The following CLIC6 variants were observed in gnomAD, a reference collection of about 807,000 sequenced individuals.
The protein encoded by CLIC6 is CLIC family member 6, also known as chloride intracellular channel protein 6.
Under a neutral mutation model 49.2 loss-of-function variants are expected in CLIC6, and 39 were observed. The ratio of observed to expected loss-of-function variants is 0.79; its 90% confidence interval spans 0.61 to 1.04. The LOEUF (loss-of-function observed/expected upper bound fraction) is 1.04, where lower values mean the gene tolerates loss of function less well. Ranked by LOEUF, CLIC6 falls within the 50% of genes least tolerant of loss-of-function variation. CLIC6 has a pLI of 0.00. For missense variants in CLIC6, 988 were observed against 993.1 expected (o/e 0.99, Z 0.07); for synonymous variants, 446 against 433.4 (o/e 1.03, Z -0.36).
rs1601252604 is a variant in CLIC6 at position 34,669,233 on chromosome 21, G to C, written c.-156G>C. 6.6e-6 allele frequency among the ~76,000 whole-genome samples: 1 copy of C among 152,342 alleles called. No individual in the cohort carries two copies. Among genetic ancestry groups the C allele is most frequent in the East Asian group, 1.9e-4 (1 of 5,180 alleles). The stretch of plus-strand genomic sequence containing the variant: ...AGTTTGCCCTGCGGGTCCTGCGCAA[G>C]GCCCCAGTGCCCCGGCTAAACCTTT... On this transcript the variant is annotated 5_prime_UTR_variant, in exon 1 of 6. Transcript: ENST00000349499.
At chr21:34,711,979 G>A (rs527862263) in intron 5 of CLIC6, among the ~76,000 whole-genome samples, 1 of 152,274 alleles carries the variant, frequency 6.6e-6, no homozygotes, top group East Asian at 1.9e-4. Context: ...GCGTAGCATT[G>A]CAGAAACACA....
chr21:34,706,539 C>G (rs926021332), intron 1 of CLIC6, among the ~76,000 whole-genome samples: 2 of 152,218 alleles, frequency 1.3e-5, no homozygotes, highest in African/African-American at 2.4e-5. Flanking sequence ...CCGTGCAGAT[C>G]AAGACATAGA....
At position 34,670,705 on chromosome 21, in the gene CLIC6, A is replaced by G; in HGVS notation, c.1317A>G (p.Gly439=). Residue 439 remains glycine (G), a synonymous_variant, in exon 1 of 6, where the codon GGA becomes GGG. Transcript: ENST00000349499. Reference sequence around the variant, plus strand: ...GCGTGAACGGCCGCCGGGAGGACGGAGAGGCGTCCGAGCCCCGGGCCCTGG... The same window carrying G: ...GCGTGAACGGCCGCCGGGAGGACGGGGAGGCGTCCGAGCCCCGGGCCCTGG... ...AARVNGRRED[G]EASEPRALGQ... The G allele has an allele frequency of 5.6e-6, 9 of 1,593,274 alleles. No individual in the cohort carries two copies. The highest frequency in any genetic ancestry group is 7.7e-6 in the Non-Finnish European group (9 of 1,174,048).
At chr21:34,708,145 C>A (rs535390531) in intron 3 of CLIC6, 76 bp downstream of exon 3, 4 of 1,548,122 alleles carry the variant, frequency 2.6e-6, no homozygotes, top group Admixed American at 1.7e-5. Flanking sequence ...AAGCTCTGGG[C>A]AGTGTGTGTG....
At chr21:34,679,523 G>GTCT (rs938197608) in intron 1 of CLIC6, among the ~76,000 whole-genome samples, 3 of 152,122 alleles carry the variant, frequency 2.0e-5, no homozygotes, top group Non-Finnish European at 1.5e-5. Flanking sequence ...TCTCCCCAAA[G>GTCT]TCTTAACTCA....
Sources: allele counts gnomAD v4.1 joint callset (sites outside exome capture counted in the v4.1 genomes callset), GRCh38; gene constraint gnomAD v4.1.1; transcripts MANE v1.5; gene names NCBI Gene and HGNC (gene_info 2026-07-23, HGNC 2026-07-21).